AK5: variants seen among roughly 807,000 people sequenced by gnomAD.
AK5 encodes adenylate kinase isoenzyme 5.
AK5 carries 27 observed loss-of-function variants against 69.5 expected under a neutral mutation model. The ratio of observed to expected loss-of-function variants is 0.39; its 90% CI spans 0.29 to 0.54. The LOEUF (loss-of-function observed/expected upper bound fraction) is 0.54, where lower values mean the gene tolerates loss of function less well. Among genes scored for constraint, AK5 ranks in the 20% least tolerant of loss-of-function variants. The pLI, the probability that AK5 is intolerant of heterozygous loss-of-function variation, is 0.71. For missense variants in AK5, 531 were observed against 700.4 expected, an observed-to-expected ratio of 0.76 and a Z score of 2.73; for synonymous variants, 260 against 244.4, an observed-to-expected ratio of 1.06 and a Z score of -0.60.
At chr1:77,498,656 T>C (rs975457563) in intron 10 of AK5, among the ~76,000 whole-genome samples, 1 of 152,154 alleles carries the variant, frequency 6.6e-6, no homozygotes, top group Non-Finnish European at 1.5e-5. Flanking sequence ...GCAGGGCTCC[T>C]AGTGAATACA....
intron 6 of AK5, among the ~76,000 whole-genome samples, chr1:77,388,301 A>G (rs1570483952): frequency 6.6e-6 from 1 of 152,354 alleles, no homozygotes; most frequent in East Asian, 1.9e-4. Context: ...ATACAAGTCA[A>G]GCTGCTAGAT....
At chr1:77,519,958 C>T (rs2100314602) in intron 11 of AK5, among the ~76,000 whole-genome samples, 1 of 152,240 alleles carries the variant, frequency 6.6e-6, no homozygotes. Context: ...AATCCCAGCA[C>T]TTTGGGAGGC....
Position 77,367,575 on chromosome 1 carries a change from A to AT in AK5, c.891+27008dup, listed in dbSNP as rs1366579137. On this transcript the variant is annotated intron_variant, in intron 6 of 13. Coordinates refer to ENST00000354567, the MANE Select transcript of AK5 (RefSeq NM_174858.3). ...GTTATTTTTATATATATATATATAT[A>AT]TATAATATATATGTTATATATGTAA... 7.7e-3 allele frequency among the ~76,000 whole-genome samples: 87 copies of AT among 11,314 alleles called. 11 individuals are homozygous for AT. Among genetic ancestry groups the AT allele is most frequent in the Non-Finnish European group, 0.012 (53 of 4,440 alleles). The allele number at this position is 11,314 out of a possible 152,430, so 7.4% of individuals were successfully genotyped here. A position where few individuals can be genotyped will look rare whatever the true frequency, so the allele number is the denominator to read the frequency against.
intron 10 of AK5, among the ~76,000 whole-genome samples, chr1:77,510,509 C>T (rs952642421): frequency 9.3e-5 from 14 of 150,868 alleles, no homozygotes; most frequent in African/African-American, 3.2e-4. Flanking sequence ...GGCAGTTTTC[C>T]GCTGCTAAAA....
intron 6 of AK5, among the ~76,000 whole-genome samples, chr1:77,394,802 G>A (rs770369072): frequency 1.3e-4 from 20 of 152,020 alleles, no homozygotes; most frequent in Non-Finnish European, 2.6e-4. Context: ...CATACTATCC[G>A]CAACAAATGT....
intron 3 of AK5, among the ~76,000 whole-genome samples, chr1:77,294,446 T>C (rs936487843): frequency 8.6e-5 from 13 of 151,944 alleles, no homozygotes; most frequent in Non-Finnish European, 1.6e-4. Context: ...ATGTGATTTT[T>C]CCCCCTTTAA....
intron 6 of AK5, among the ~76,000 whole-genome samples, chr1:77,358,285 A>G (rs1380028577): frequency 6.6e-6 from 1 of 152,180 alleles, no homozygotes; most frequent in Non-Finnish European, 1.5e-5. Flanking sequence ...CATGTTTACA[A>G]GGCATCAATT....
intron 6 of AK5, among the ~76,000 whole-genome samples, chr1:77,358,018 T>TGTGAGAGAGAGAGA (rs762714026): frequency 7.8e-6 from 1 of 128,178 alleles, no homozygotes; most frequent in African/African-American, 2.8e-5. Flanking sequence ...TGTGTGTGTG[T>TGTGAGAGAGAGAGA]GAGAGAGAGA....
chr1:77,403,116 A>G lies in AK5; in HGVS notation c.892-7865A>G, dbSNP rs894649107. Among the ~76,000 whole-genome samples, 1,311 of 152,174 alleles carry G rather than the reference A, an allele frequency of 8.6e-3. 10 individuals are homozygous for G. Among genetic ancestry groups the G allele is most frequent in the Non-Finnish European group, 0.014 (927 of 67,990 alleles). On this transcript the variant is annotated intron_variant, in intron 6 of 13. Transcript: ENST00000354567. ...CTTCTTCTGAGAAGTGTCTGTTCAT[A>G]TCCTTCGCCCACTTTTTGATGGGGT...
chr1:77,500,072 T>C (rs78018073), intron 10 of AK5, among the ~76,000 whole-genome samples: 1 of 152,070 alleles, frequency 6.6e-6, no homozygotes, highest in East Asian at 1.9e-4. Flanking sequence ...GCAAATGTAC[T>C]AATCTGTCTT....
chr1:77,399,147 T>G (rs1426901060), intron 6 of AK5, among the ~76,000 whole-genome samples: 3 of 152,194 alleles, frequency 2.0e-5, no homozygotes, highest in Non-Finnish European at 2.9e-5. Context: ...TGTTCTGTCA[T>G]AGTACCCAAA....
intron 10 of AK5, among the ~76,000 whole-genome samples, chr1:77,491,304 A>ATTTTTTTT (rs10700619): frequency 5.8e-4 from 51 of 87,372 alleles, no homozygotes; most frequent in African/African-American, 1.1e-3. Context: ...CATGAATTGA[A>ATTTTTTTT]TTTTTTTTTT....
intron 10 of AK5, among the ~76,000 whole-genome samples, chr1:77,490,397 CA>C (rs752153808): frequency 8.5e-5 from 13 of 152,270 alleles, no homozygotes; most frequent in Non-Finnish European, 1.5e-4. Context: ...ATGTTCAGGG[CA>C]AGTGTACCAT....
rs997126762 is a variant in AK5 at position 77,477,517 on chromosome 1, T to C, written c.1060-5800T>C. On this transcript the variant is annotated intron_variant, in intron 8 of 13. Coordinates refer to ENST00000354567, the MANE Select transcript of AK5 (RefSeq NM_174858.3). ...GAAATCTAGGAAAATCCTCATATGC[T>C]AGCATTTCATGGTTCATGATTCTTC... 2.0e-5 allele frequency among the ~76,000 whole-genome samples: 3 copies of C among 152,200 alleles called. No individual in the cohort carries two copies. In the East Asian group the frequency reaches 5.8e-4, roughly 29 times the overall value.
chr1:77,516,938 G>A (rs1657680949), intron 10 of AK5, among the ~76,000 whole-genome samples: 1 of 152,000 alleles, frequency 6.6e-6, no homozygotes, highest in Non-Finnish European at 1.5e-5. Flanking sequence ...AGGCATGGTG[G>A]TGCGCACCTG....
At chr1:77,465,719 TG>T (rs1418323431) in intron 8 of AK5, among the ~76,000 whole-genome samples, 1 of 152,206 alleles carries the variant, frequency 6.6e-6, no homozygotes, top group African/African-American at 2.4e-5. Context: ...TAGCACTGGA[TG>T]TGACCCCAAA....
intron 13 of AK5, chr1:77,557,249 A>G (rs1660152729): frequency 5.5e-6 from 1 of 180,594 alleles, no homozygotes; most frequent in African/African-American, 2.4e-5. Context: ...TCAGCGTGTG[A>G]TTACTCATGT....
intron 8 of AK5, among the ~76,000 whole-genome samples, chr1:77,436,700 G>A (rs1651983213): frequency 6.6e-6 from 1 of 151,736 alleles, no homozygotes. Context: ...ATTTATAAAT[G>A]ATTATACCAT....
chr1:77,334,580 G>C lies in AK5; in HGVS notation c.700-5797G>C, dbSNP rs1661253403. Among the ~76,000 whole-genome samples, 4 of 151,990 alleles carry C rather than the reference G, an allele frequency of 2.6e-5. No individual in the cohort carries two copies. In the South Asian group the frequency reaches 6.2e-4, roughly 24 times the overall value. On this transcript the variant is annotated intron_variant, in intron 5 of 13. Transcript: ENST00000354567. ...CTAGAGCCTTCTAACCATGTCTCAG[G>C]TGTCTCTTTTGCTCCTTTCCATATT...
Sources: allele counts gnomAD v4.1 joint callset (sites outside exome capture counted in the v4.1 genomes callset), GRCh38; gene constraint gnomAD v4.1.1; transcripts MANE v1.5; gene names NCBI Gene and HGNC (gene_info 2026-07-23, HGNC 2026-07-21).